Variants in RGS7 observed in about 807,000 individuals in gnomAD.
RGS7 encodes regulator of G-protein signaling 7.
A neutral mutation model predicts 81.1 loss-of-function variants in RGS7; 27 were observed. The ratio of observed to expected loss-of-function variants is 0.33; its 90% CI spans 0.25 to 0.46. The LOEUF (loss-of-function observed/expected upper bound fraction) is 0.46. Among genes scored for constraint, RGS7 ranks in the 20% least tolerant of loss-of-function variants. The pLI is 1.00. For synonymous variants in RGS7, 208 were observed against 207.7 expected, an observed-to-expected ratio of 1.00 and a Z score of -0.01; for missense variants, 396 against 607.4, an observed-to-expected ratio of 0.65 and a Z score of 3.66.
At chr1:241,108,647 A>G (rs1287462033) in intron 2 of RGS7, among the ~76,000 whole-genome samples, 7 of 152,190 alleles carry the variant, frequency 4.6e-5, no homozygotes, top group Admixed American at 3.9e-4. Flanking sequence ...AGAGTTGTCA[A>G]TGTCCCCTGA....
chr1:240,859,063 T>C (rs182813036), intron 9 of RGS7, among the ~76,000 whole-genome samples: 21 of 152,362 alleles, frequency 1.4e-4, no homozygotes, highest in African/African-American at 4.8e-4. Flanking sequence ...AGAATTGATA[T>C]AATTTGTCCC....
At chr1:240,919,508 T>C (rs1673147190) in intron 6 of RGS7, 1 of 174,868 alleles carries the variant, frequency 5.7e-6, no homozygotes, top group Non-Finnish European at 1.2e-5. Context: ...AGAAATCATT[T>C]GCCAAAATCT....
chr1:241,145,133 CAGCCTCCCG>C (rs2103101396), intron 2 of RGS7, among the ~76,000 whole-genome samples: 1 of 152,078 alleles, frequency 6.6e-6, no homozygotes, highest in Admixed American at 6.5e-5. Flanking sequence ...TCTCCTGCCT[CAGCCTCCCG>C]AGTGGCTGGG....
At chr1:240,915,832 A>C (rs1321537546) in intron 6 of RGS7, among the ~76,000 whole-genome samples, 1 of 152,168 alleles carries the variant, frequency 6.6e-6, no homozygotes, top group Non-Finnish European at 1.5e-5. Context: ...TTCAAGAAAT[A>C]AAAAACATAA....
intron 2 of RGS7, among the ~76,000 whole-genome samples, chr1:241,130,308 A>G (rs2103034895): frequency 6.6e-6 from 1 of 152,088 alleles, no homozygotes; most frequent in Admixed American, 6.5e-5. Flanking sequence ...GATTAATTTG[A>G]GAGTCAATTA....
intron 2 of RGS7, among the ~76,000 whole-genome samples, chr1:241,103,866 T>G (rs1334586428): frequency 6.6e-6 from 1 of 152,174 alleles, no homozygotes; most frequent in Non-Finnish European, 1.5e-5. Flanking sequence ...AGAATGAGAC[T>G]CTGTCTCAAA....
intron 4 of RGS7, among the ~76,000 whole-genome samples, chr1:240,975,308 A>T (rs1683899960): frequency 6.6e-6 from 1 of 152,180 alleles, no homozygotes; most frequent in Non-Finnish European, 1.5e-5. Context: ...AGGCTGAGGC[A>T]GGAGAATAGC....
rs529672575 is a variant in RGS7 at position 241,252,241 on chromosome 1, G to A, written c.78+103458C>T. 7.3e-5 allele frequency among the ~76,000 whole-genome samples: 11 copies of A among 151,410 alleles called. No homozygotes were observed. In the South Asian group the frequency reaches 1.3e-3, roughly 17 times the overall value. On this transcript the variant is annotated intron_variant, in intron 2 of 18. Transcript: ENST00000440928. ...GTATTTTTAGTAGAGATGGGGTTTC[G>A]CCATGTTGACCAGGCTGGTCTTGAA...
At chr1:241,063,940 T>C (rs184395417) in intron 3 of RGS7, among the ~76,000 whole-genome samples, 92 of 152,022 alleles carry the variant, frequency 6.1e-4, no homozygotes, top group African/African-American at 2.1e-3. Context: ...TCCCAGCACT[T>C]TGGGAGGCCA....
intron 14 of RGS7, among the ~76,000 whole-genome samples, chr1:240,810,688 G>A (rs574205783): frequency 2.0e-3 from 309 of 152,252 alleles, no homozygotes; most frequent in Middle Eastern, 0.017. Context: ...GGCCTCAAGA[G>A]AGCCACCTGC....
chr1:240,802,785 G>A, intron 16 of RGS7, 119 bp downstream of exon 16: 4 of 774,808 alleles, frequency 5.2e-6, no homozygotes, highest in South Asian at 4.1e-5. Flanking sequence ...TTGGGGGAGG[G>A]TCTTGGAGTA....
intron 3 of RGS7, among the ~76,000 whole-genome samples, chr1:241,060,068 C>T (rs1413722955): frequency 6.6e-6 from 1 of 152,150 alleles, no homozygotes; most frequent in African/African-American, 2.4e-5. Context: ...GCACCAGTTC[C>T]TCTCTCCTGT....
At chr1:241,096,545 T>C (rs758656311) in intron 3 of RGS7, among the ~76,000 whole-genome samples, 3 of 152,184 alleles carry the variant, frequency 2.0e-5, no homozygotes, top group Admixed American at 6.5e-5. Context: ...AAAAATGTCA[T>C]TGATATTCTC....
chr1:241,061,584 C>T (rs1289747568), intron 3 of RGS7, among the ~76,000 whole-genome samples: 1 of 152,114 alleles, frequency 6.6e-6, no homozygotes, highest in East Asian at 1.9e-4. Flanking sequence ...AAAATAGATA[C>T]ATAAATAGGG....
intron 2 of RGS7, among the ~76,000 whole-genome samples, chr1:241,262,871 C>T (rs1202676167): frequency 5.3e-5 from 8 of 152,006 alleles, no homozygotes; most frequent in African/African-American, 1.5e-4. Context: ...GAGGCCGAGG[C>T]GGGTGGATCA....
chr1:240,938,821 CGTGTGT>C (rs112229453), intron 4 of RGS7, among the ~76,000 whole-genome samples: 6 of 146,482 alleles, frequency 4.1e-5, no homozygotes, highest in East Asian at 2.0e-4. Context: ...CAATTTTGTG[CGTGTGT>C]GTGTGTGTGT....
At chr1:240,842,277 C>T (rs962936036) in intron 9 of RGS7, among the ~76,000 whole-genome samples, 1 of 136,886 alleles carries the variant, frequency 7.3e-6, no homozygotes, top group Non-Finnish European at 1.5e-5. Flanking sequence ...TGGCTCACTG[C>T]AACCCCCGCC....
intron 3 of RGS7, among the ~76,000 whole-genome samples, chr1:241,006,636 T>C (rs1392110657): frequency 1.3e-5 from 2 of 152,194 alleles, no homozygotes; most frequent in Admixed American, 6.5e-5. Context: ...ATAGAAAACG[T>C]TGAAACTACA....
intron 2 of RGS7, among the ~76,000 whole-genome samples, chr1:241,195,823 A>G (rs2073029116): frequency 6.6e-6 from 1 of 152,128 alleles, no homozygotes; most frequent in Admixed American, 6.5e-5. Flanking sequence ...CAGAAAATAA[A>G]GAAAAGAGCA....
Sources: gnomAD v4.1 joint callset for allele counts (sites outside exome capture counted in the v4.1 genomes callset) on GRCh38, gnomAD v4.1.1 for gene constraint, MANE v1.5 for transcripts, NCBI Gene and HGNC (gene_info 2026-07-23, HGNC 2026-07-21) for gene names.